Variants in SNX2 observed in about 807,000 individuals in gnomAD.
The protein encoded by SNX2 is sorting nexin-2.
In SNX2, 25 loss-of-function variants were observed where a neutral mutation model predicts 69.9. The observed-to-expected ratio is 0.36, with a 90% confidence interval of 0.26 to 0.50. The LOEUF is 0.50. Ranked by LOEUF, SNX2 falls within the 20% of genes least tolerant of loss-of-function variation. SNX2 has a pLI of 0.97. For missense variants in SNX2, 551 were observed against 613.3 expected (o/e 0.90, Z 1.07); for synonymous variants, 229 against 200.4 (o/e 1.14, Z -1.20).
chr5:122,803,383 C>A (rs1342849665), intron 5 of SNX2, 89 bp from the exon 6 acceptor site: 1 of 1,259,656 alleles, frequency 7.9e-7, no homozygotes, highest in Non-Finnish European at 1.1e-6. Flanking sequence ...AAAGTAGATA[C>A]ATGTATGTGT....
chr5:122,819,257 A>C (rs1465411492), intron 11 of SNX2, among the ~76,000 whole-genome samples: 1 of 152,206 alleles, frequency 6.6e-6, no homozygotes, highest in Non-Finnish European at 1.5e-5. Flanking sequence ...GAAAACATTT[A>C]TACATTTACT....
At chr5:122,802,467 C>T (rs1480015160) in intron 5 of SNX2, among the ~76,000 whole-genome samples, 1 of 152,162 alleles carries the variant, frequency 6.6e-6, no homozygotes, top group Non-Finnish European at 1.5e-5. Context: ...TCTAGAATCT[C>T]CAAGAAGTGA....
At chr5:122,805,290 C>CAAA (rs767897080) in intron 6 of SNX2, among the ~76,000 whole-genome samples, 1,376 of 88,158 alleles carry the variant, frequency 0.016, 40 homozygotes, top group African/African-American at 0.055. Context: ...GACTCCATCT[C>CAAA]AAAAAAAAAA....
Position 122,775,179 on chromosome 5 carries a change from G to A in SNX2, c.76G>A (p.Asp26Asn). 1 of 1,593,246 alleles carries A rather than the reference G, an allele frequency of 6.3e-7. No individual in the cohort carries two copies. Among genetic ancestry groups the A allele is most frequent in the Non-Finnish European group, 8.5e-7 (1 of 1,171,596 alleles). Reference sequence around the variant, plus strand: ...CTTTGAGGATCTGGAGGACGGAGAGGACCTGTTCACCAGCACTGTCTCCAC... The same window carrying A: ...CTTTGAGGATCTGGAGGACGGAGAGAACCTGTTCACCAGCACTGTCTCCAC... Reference protein sequence around the residue: ...TDFEDLEDGEDLFTSTVSTLE... With the variant: ...TDFEDLEDGENLFTSTVSTLE... The change falls in exon 1 of 15, where the codon GAC (aspartate) becomes AAC (asparagine). Residue 26 changes from aspartate (D) to asparagine (N), a missense_variant. Physicochemically the swap from Asp to Asn is conservative, Grantham distance 23. Transcript: ENST00000379516.
At chr5:122,784,134 A>G (rs1581623691) in intron 1 of SNX2, among the ~76,000 whole-genome samples, 1 of 151,592 alleles carries the variant, frequency 6.6e-6, no homozygotes, top group East Asian at 1.9e-4. Flanking sequence ...AGGTTTTTGT[A>G]GAGTCCGATG....
At chr5:122,796,979 G>A (rs1191310388) in intron 2 of SNX2, among the ~76,000 whole-genome samples, 2 of 152,236 alleles carry the variant, frequency 1.3e-5, no homozygotes, top group East Asian at 3.8e-4. Context: ...CCAAGCTGGA[G>A]TATAGCCATG....
At chr5:122,817,831 C>A (rs1753934857) in intron 10 of SNX2, among the ~76,000 whole-genome samples, 1 of 151,960 alleles carries the variant, frequency 6.6e-6, no homozygotes, top group African/African-American at 2.4e-5. Context: ...CTGTAAAACC[C>A]TTTGAAGTAT....
At chr5:122,817,223 C>G in intron 9 of SNX2, 57 bp from the exon 10 acceptor site, 1 of 1,519,036 alleles carries the variant, frequency 6.6e-7, no homozygotes, top group Non-Finnish European at 9.1e-7. Context: ...TATTGGTAAC[C>G]TAATTTACAA....
intron 1 of SNX2, among the ~76,000 whole-genome samples, chr5:122,778,422 A>T (rs1015386090): frequency 3.9e-5 from 6 of 152,304 alleles, no homozygotes; most frequent in Admixed American, 6.5e-5. Flanking sequence ...GGCTATACTA[A>T]TTACGTTCCC....
At chr5:122,822,344 A>G (rs1447371286) in intron 11 of SNX2, among the ~76,000 whole-genome samples, 1 of 152,154 alleles carries the variant, frequency 6.6e-6, no homozygotes, top group Non-Finnish European at 1.5e-5. Context: ...CGGCGTCCCA[A>G]AGCGCTGGGA....
At chr5:122,803,138 A>AT (rs1294491575) in intron 5 of SNX2, among the ~76,000 whole-genome samples, 12 of 152,134 alleles carry the variant, frequency 7.9e-5, no homozygotes, top group African/African-American at 2.9e-4. Flanking sequence ...TGCTGGTGAG[A>AT]TTTAAGTGGA....
chr5:122,787,299 C>A (rs1753111771), intron 1 of SNX2, among the ~76,000 whole-genome samples: 1 of 152,134 alleles, frequency 6.6e-6, no homozygotes. Flanking sequence ...GCAGGTGGAT[C>A]ACTTGAGGTC....
intron 1 of SNX2, among the ~76,000 whole-genome samples, chr5:122,775,926 C>T (rs1484806060): frequency 1.3e-5 from 2 of 152,152 alleles, no homozygotes; most frequent in African/African-American, 2.4e-5. Flanking sequence ...CAGATCTCCA[C>T]TCCTTTTTCC....
At position 122,815,903 on chromosome 5, in the gene SNX2, C is replaced by G; in HGVS notation, c.730C>G (p.Gln244Glu). 1 of 1,592,734 alleles carries G rather than the reference C, an allele frequency of 6.3e-7. No homozygotes were observed. The highest frequency in any genetic ancestry group is 8.6e-7 in the Non-Finnish European group (1 of 1,165,800). ...KRRAALERYL[Q>E]RTVKHPTLLQ... ...TTTTACTCTTAAATCTAGGTATCTT[C>G]AAAGAACAGTAAAACATCCAACTTT... Residue 244 changes from glutamine (Q) to glutamate (E), a missense_variant, in exon 8 of 15, where the codon CAA becomes GAA. This residue lies in a region of SNX2 where 360 missense variants were observed against 450.4 expected (regional missense o/e 0.80). Coordinates refer to ENST00000379516, the MANE Select transcript of SNX2 (RefSeq NM_003100.4).
At chr5:122,817,991 G>A (rs1197770253) in intron 10 of SNX2, among the ~76,000 whole-genome samples, 1 of 151,862 alleles carries the variant, frequency 6.6e-6, no homozygotes, top group African/African-American at 2.4e-5. Flanking sequence ...AATTGTCTAA[G>A]ACATTTAATA....
Position 122,827,436 on chromosome 5 carries a change from C to G in SNX2, c.1414C>G (p.Arg472Gly). Residue 472 changes from arginine (R) to glycine (G), a missense_variant, in exon 13 of 15, where the codon CGA (arginine) becomes GGA (glycine). Arg to Gly is a moderately radical substitution (Grantham distance 125). Around this residue, in one of 2 missense-constraint regions of SNX2, gnomAD observed 360 missense variants for 450.4 expected, o/e 0.80. Coordinates refer to ENST00000379516, the MANE Select transcript of SNX2 (RefSeq NM_003100.4). The part of the protein sequence containing the change: ...RDFEQISKTI[R>G]KEVGRFEKER... The stretch of plus-strand genomic sequence containing the variant: ...TTTTGAACAGATATCTAAAACGATT[C>G]GAAAAGAAGTGGGAAGATTTGAGGC... 2.5e-6 allele frequency: 4 copies of G among 1,613,266 alleles called. No individual in the cohort carries two copies. Among genetic ancestry groups the G allele is most frequent in the Non-Finnish European group, 3.4e-6 (4 of 1,179,522 alleles).
intron 9 of SNX2, 46 bp from the exon 10 acceptor site, chr5:122,817,234 T>C: frequency 6.5e-7 from 1 of 1,544,530 alleles, no homozygotes; most frequent in Non-Finnish European, 8.9e-7. Context: ...TAATTTACAA[T>C]GGTTTGTTCT....
intron 6 of SNX2, 163 bp downstream of exon 6, chr5:122,803,776 G>A (rs927094073): frequency 4.4e-5 from 23 of 524,220 alleles, no homozygotes; most frequent in African/African-American, 4.3e-4. Context: ...ATGGATTGAA[G>A]AATGTATTGG....
chr5:122,792,446 A>G (rs1463585424), intron 1 of SNX2, among the ~76,000 whole-genome samples: 1 of 152,122 alleles, frequency 6.6e-6, no homozygotes. Context: ...ATACAAAAAA[A>G]ATTAGCTGGG....
Sources: allele counts gnomAD v4.1 joint callset (sites outside exome capture counted in the v4.1 genomes callset), GRCh38; gene constraint gnomAD v4.1.1; regional missense constraint gnomAD v4.1.1; transcripts MANE v1.5; gene names NCBI Gene and HGNC (gene_info 2026-07-23, HGNC 2026-07-21).